The following PDLIM1 variants were observed in gnomAD, a reference collection of about 807,000 sequenced individuals.
PDLIM1 encodes PDZ and LIM domain 1.
A neutral mutation model predicts 35.2 loss-of-function variants in PDLIM1; 25 were observed. That is an observed-to-expected ratio of 0.71 (90% CI 0.52 to 0.99). The LOEUF is 0.99. PDLIM1 is among the 50% of genes least tolerant of loss of function. The pLI is 0.00. For missense variants in PDLIM1, 363 were observed against 415.3 expected (o/e 0.87, Z 1.09); for synonymous variants, 152 against 154.0 (o/e 0.99, Z 0.10).
intron 1 of PDLIM1, 23 bp from the exon 2 acceptor site, chr10:95,271,807 G>T: frequency 6.2e-7 from 1 of 1,603,766 alleles, no homozygotes; most frequent in Non-Finnish European, 8.5e-7. Context: ...GGGAAAGCAG[G>T]CTAGTTACTA....
Position 95,283,981 on chromosome 10 carries a change from CTGTGTGTG to C in PDLIM1, c.96+6831_96+6838del, listed in dbSNP as rs3979535. On this transcript the variant is annotated intron_variant, in intron 1 of 6. Coordinates refer to ENST00000329399, the MANE Select transcript of PDLIM1 (RefSeq NM_020992.4). Reference sequence around the variant, plus strand: ...TCACTCTTAGGTATGGCCTTTTTCTCTGTGTGTGTGTGTGTGTGTGTGTGTGTGTGTGT... The same window carrying C: ...TCACTCTTAGGTATGGCCTTTTTCTCTGTGTGTGTGTGTGTGTGTGTGTGT... Among the ~76,000 whole-genome samples, 482 of 150,268 alleles carry C rather than the reference CTGTGTGTG, an allele frequency of 3.2e-3. 5 individuals carry two copies. Among genetic ancestry groups the C allele is most frequent in the African/African-American group, 0.01 (423 of 40,624 alleles).
intron 5 of PDLIM1, among the ~76,000 whole-genome samples, chr10:95,240,712 A>C (rs1029455873): frequency 2.6e-5 from 4 of 152,256 alleles, no homozygotes; most frequent in Non-Finnish European, 5.9e-5. Flanking sequence ...CAGATAGAAC[A>C]AAACCATCAG....
intron 5 of PDLIM1, among the ~76,000 whole-genome samples, chr10:95,241,386 C>G (rs2035176849): frequency 6.6e-6 from 1 of 152,186 alleles, no homozygotes; most frequent in Non-Finnish European, 1.5e-5. Context: ...ACATGGTTGA[C>G]TGTATTTTGA....
At chr10:95,271,557 G>A in intron 2 of PDLIM1, 76 bp downstream of exon 2, 6 of 1,301,930 alleles carry the variant, frequency 4.6e-6, no homozygotes, top group Non-Finnish European at 6.4e-6. Flanking sequence ...GGGATTCTGA[G>A]ATAGGGAAGG....
intron 1 of PDLIM1, among the ~76,000 whole-genome samples, chr10:95,284,119 A>C (rs950502052): frequency 2.0e-5 from 3 of 151,964 alleles, no homozygotes; most frequent in African/African-American, 7.3e-5. Context: ...TATTGCTGTT[A>C]GACATGTGAA....
intron 1 of PDLIM1, among the ~76,000 whole-genome samples, chr10:95,275,054 C>T (rs1303184826): frequency 6.6e-6 from 1 of 152,276 alleles, no homozygotes; most frequent in Non-Finnish European, 1.5e-5. Context: ...GCAACTTCCC[C>T]AGTTACTCCT....
At position 95,265,388 on chromosome 10, in the gene PDLIM1, A is replaced by G. The variant is rs374235499; in HGVS notation, c.334-1325T>C. 2.6e-4 allele frequency among the ~76,000 whole-genome samples: 39 copies of G among 152,102 alleles called. 2 individuals carry two copies. The South Asian group carries it at 2.9e-3, about 11-fold the overall frequency. On this transcript the variant is annotated intron_variant, in intron 3 of 6. Transcript: ENST00000329399. ...GGCGGGCGGATCACCTGAGGTCCGG[A>G]GTTCAAGACCAGCCTGACCAACATG... is the stretch of plus-strand genomic sequence containing the variant.
intron 4 of PDLIM1, among the ~76,000 whole-genome samples, chr10:95,250,351 T>C (rs61871368): frequency 6.7e-6 from 1 of 149,510 alleles, no homozygotes; most frequent in South Asian, 2.1e-4. Context: ...ATTTCTATAA[T>C]TTAAAAAAAA....
intron 4 of PDLIM1, chr10:95,247,661 T>C: frequency 4.0e-6 from 1 of 249,162 alleles, no homozygotes. Context: ...TCTTTATAAA[T>C]TCCATCAGCA....
intron 1 of PDLIM1, among the ~76,000 whole-genome samples, chr10:95,285,389 CT>C (rs2035594403): frequency 6.6e-6 from 1 of 152,174 alleles, no homozygotes; most frequent in Admixed American, 6.5e-5. Context: ...ACCCTTAGCA[CT>C]TTTCAGAGCT....
chr10:95,265,211 T>TAAA (rs11353674), intron 3 of PDLIM1, among the ~76,000 whole-genome samples: 1 of 148,876 alleles, frequency 6.7e-6, no homozygotes, highest in Admixed American at 6.7e-5. Context: ...TATGCTTTCT[T>TAAA]AAAAAAAAAA....
intron 3 of PDLIM1, among the ~76,000 whole-genome samples, chr10:95,268,551 CCT>C (rs1050109734): frequency 6.6e-6 from 1 of 152,218 alleles, no homozygotes; most frequent in Non-Finnish European, 1.5e-5. Context: ...CTTCCGACCC[CCT>C]GCTTCCAGCC....
intron 5 of PDLIM1, among the ~76,000 whole-genome samples, chr10:95,239,561 C>T (rs868724690): frequency 6.6e-6 from 1 of 152,102 alleles, no homozygotes; most frequent in African/African-American, 2.4e-5. Context: ...TTTGGGAGGC[C>T]GAGGTGGGTG....
chr10:95,249,654 C>T (rs1027206099), intron 4 of PDLIM1, among the ~76,000 whole-genome samples: 2 of 152,142 alleles, frequency 1.3e-5, no homozygotes, highest in Non-Finnish European at 2.9e-5. Context: ...TTCCCTTTTC[C>T]TCTCCCTCTC....
At position 95,246,030 on chromosome 10, in the gene PDLIM1, C is replaced by T. The variant is rs1294795512; in HGVS notation, c.685+1185G>A. Among the ~76,000 whole-genome samples the T allele has an allele frequency of 2.7e-4, 41 of 152,202 alleles. 1 individual carries two copies. The highest frequency in any genetic ancestry group is 2.7e-3 in the Admixed American group (41 of 15,288). ...CTCACCATCACAAGGTGTCCCCTCACTGGAGCATCCACTGTCTCTTTGCAG... is the reference window on the plus strand; with the variant it reads ...CTCACCATCACAAGGTGTCCCCTCATTGGAGCATCCACTGTCTCTTTGCAG... On this transcript the variant is annotated intron_variant, in intron 5 of 6. Coordinates refer to ENST00000329399, the MANE Select transcript of PDLIM1 (RefSeq NM_020992.4).
At chr10:95,245,240 A>G (rs2035209862) in intron 5 of PDLIM1, among the ~76,000 whole-genome samples, 1 of 152,226 alleles carries the variant, frequency 6.6e-6, no homozygotes, top group African/African-American at 2.4e-5. Flanking sequence ...TCTGGGAAGG[A>G]GAAAGCTGGC....
intron 5 of PDLIM1, among the ~76,000 whole-genome samples, chr10:95,240,993 A>C (rs2035172959): frequency 2.0e-5 from 3 of 147,054 alleles, no homozygotes; most frequent in African/African-American, 7.3e-5. Flanking sequence ...GATGGGGCCT[A>C]AGACTGCATT....
chr10:95,251,646 GAAAC>G (rs2035268933), intron 4 of PDLIM1, among the ~76,000 whole-genome samples: 1 of 152,198 alleles, frequency 6.6e-6, no homozygotes, highest in Non-Finnish European at 1.5e-5. Flanking sequence ...AATTGGAATA[GAAAC>G]GGGGATTACG....
chr10:95,276,896 T>TAAAAAAAAAA (rs61442624), intron 1 of PDLIM1, among the ~76,000 whole-genome samples: 6 of 68,890 alleles, frequency 8.7e-5, no homozygotes, highest in African/African-American at 1.1e-4. Flanking sequence ...TTCAGTTTCC[T>TAAAAAAAAAA]AAAAAAAAAA....
Sources: allele counts gnomAD v4.1 joint callset (sites outside exome capture counted in the v4.1 genomes callset), GRCh38; gene constraint gnomAD v4.1.1; transcripts MANE v1.5; gene names NCBI Gene and HGNC (gene_info 2026-07-23, HGNC 2026-07-21).